CACNA1A: variants seen among roughly 807,000 people sequenced by gnomAD.
CACNA1A encodes the protein calcium voltage-gated channel subunit alpha1 A, also known as voltage-dependent P/Q-type calcium channel subunit alpha-1A.
CACNA1A carries 57 observed loss-of-function variants against 262.4 expected under a neutral mutation model. The observed-to-expected ratio is 0.22, with a 90% CI of 0.18 to 0.27. The LOEUF (loss-of-function observed/expected upper bound fraction) is 0.27. CACNA1A is among the 10% of genes least tolerant of loss of function. The probability of loss-of-function intolerance (pLI) is 1.00; values close to 1 mark genes in which losing one functional copy is unlikely to be tolerated. For synonymous variants in CACNA1A, 1,431 were observed against 1,419.3 expected, an observed-to-expected ratio of 1.01 and a Z score of -0.18; for missense variants, 2,526 against 3,562.8, an observed-to-expected ratio of 0.71 and a Z score of 7.41.
chr19:13,352,438 T>C (rs924051740), intron 6 of CACNA1A, among the ~76,000 whole-genome samples: 3 of 150,166 alleles, frequency 2.0e-5, no homozygotes, highest in Admixed American at 6.7e-5. Context: ...GTGATCATCA[T>C]AGAGAAATTT....
chr19:13,268,139 T>A (rs1600210532), intron 24 of CACNA1A, among the ~76,000 whole-genome samples: 1 of 152,092 alleles, frequency 6.6e-6, no homozygotes, highest in South Asian at 2.1e-4. Flanking sequence ...ACAAAAGCTA[T>A]GGCCTTGGCT....
intron 3 of CACNA1A, among the ~76,000 whole-genome samples, chr19:13,376,635 T>C (rs528220712): frequency 2.0e-5 from 3 of 147,978 alleles, no homozygotes; most frequent in African/African-American, 7.4e-5. Flanking sequence ...ACTACACATA[T>C]GTTATATATG....
At chr19:13,367,676 T>C (rs57977377) in intron 4 of CACNA1A, among the ~76,000 whole-genome samples, 7,471 of 151,970 alleles carry the variant, frequency 0.049, 477 homozygotes, top group African/African-American at 0.14. Flanking sequence ...TGCAGTGAGC[T>C]GAGATCACGC....
At chr19:13,353,617 C>G (rs2058954274) in intron 6 of CACNA1A, among the ~76,000 whole-genome samples, 1 of 152,194 alleles carries the variant, frequency 6.6e-6, no homozygotes, top group Admixed American at 6.5e-5. Flanking sequence ...CTCTGGGATG[C>G]ATATCCTGAT....
chr19:13,444,683 C>G (rs1283550482), intron 3 of CACNA1A, among the ~76,000 whole-genome samples: 3 of 152,230 alleles, frequency 2.0e-5, no homozygotes, highest in African/African-American at 7.2e-5. Flanking sequence ...AACATTTATA[C>G]CACTTCCATT....
At chr19:13,210,181 G>T (rs143540759) in intron 44 of CACNA1A, among the ~76,000 whole-genome samples, 3 of 152,314 alleles carry the variant, frequency 2.0e-5, no homozygotes, top group Non-Finnish European at 2.9e-5. Flanking sequence ...CTCTGCAGCA[G>T]GCAGAGGAGG....
At chr19:13,347,061 T>TTGTTTG (rs200068530) in intron 6 of CACNA1A, among the ~76,000 whole-genome samples, 1 of 69,216 alleles carries the variant, frequency 1.4e-5, no homozygotes, top group African/African-American at 4.5e-5. Context: ...TTTTTTTTGT[T>TTGTTTG]TTTTTGTTTT....
intron 3 of CACNA1A, among the ~76,000 whole-genome samples, chr19:13,429,043 G>A (rs1485500644): frequency 6.6e-6 from 1 of 151,644 alleles, no homozygotes; most frequent in Non-Finnish European, 1.5e-5. Flanking sequence ...CTTGACCCTC[G>A]GGCACACATC....
At chr19:13,478,678 A>G (rs1464416572) in intron 1 of CACNA1A, among the ~76,000 whole-genome samples, 1 of 152,226 alleles carries the variant, frequency 6.6e-6, no homozygotes, top group Non-Finnish European at 1.5e-5. Flanking sequence ...ATTTCACAGC[A>G]GCTTTGTTCA....
In CACNA1A at chr19:13,303,799, A is replaced by G. The variant is rs775081414; in HGVS notation, c.2072T>C (p.Ile691Thr). The stretch of plus-strand genomic sequence containing the variant: ...AAAGAGCGTCAGTACAATGAAATAG[A>G]TGGAGAACACCATGCCGCCCTGCAC... ...GGVQGGMVFSIYFIVLTLFGN... is the reference protein window; with the variant it reads ...GGVQGGMVFSTYFIVLTLFGN... The change falls in exon 16 of 47, where the codon ATC (isoleucine) becomes ACC (threonine). Residue 691 changes from isoleucine (I) to threonine (T), a missense_variant. Physicochemically the swap from Ile to Thr is moderately conservative, Grantham distance 89 (BLOSUM62 -1). This residue lies in a region of CACNA1A where 102 missense variants were observed against 278.9 expected (regional missense o/e 0.37). Coordinates refer to ENST00000360228, the MANE Select transcript of CACNA1A (RefSeq NM_001127222.2). 9 of 1,613,032 alleles carry G rather than the reference A, an allele frequency of 5.6e-6. No individual in the cohort carries two copies. The highest frequency in any genetic ancestry group is 4.0e-5 in the African/African-American group (3 of 74,830).
At chr19:13,245,482 C>T in intron 30 of CACNA1A, 1 of 560,650 alleles carries the variant, frequency 1.8e-6, no homozygotes, top group South Asian at 2.0e-5. Context: ...ATTGGCCTGG[C>T]CCCAGAGGGG....
At chr19:13,336,594 G>GGAGGGAGAGGGAGAGA in intron 6 of CACNA1A, among the ~76,000 whole-genome samples, 1 of 65,494 alleles carries the variant, frequency 1.5e-5, no homozygotes, top group Non-Finnish European at 3.1e-5. Flanking sequence ...AGAGAGAGAG[G>GGAGGGAGAGGGAGAGA]GAGAGAGAGA....
intron 38 of CACNA1A, among the ~76,000 whole-genome samples, chr19:13,215,971 A>G (rs750213998): frequency 1.3e-5 from 2 of 152,084 alleles, no homozygotes; most frequent in Non-Finnish European, 2.9e-5. Flanking sequence ...CCCAGGCTAG[A>G]GTGCCGTGGC....
chr19:13,489,003 C>CT (rs896790084), intron 1 of CACNA1A, among the ~76,000 whole-genome samples: 1,633 of 75,202 alleles, frequency 0.022, 172 homozygotes, highest in Non-Finnish European at 0.025. Flanking sequence ...CTTTTCTTTT[C>CT]TTTTTTTTTT....
intron 3 of CACNA1A, among the ~76,000 whole-genome samples, chr19:13,385,538 T>C (rs2059596776): frequency 6.6e-6 from 1 of 152,098 alleles, no homozygotes; most frequent in African/African-American, 2.4e-5. Context: ...TTCTTTTCTT[T>C]TTTAGAGACA....
chr19:13,482,848 T>TTGTGTGTGTGTGTGTGTGTGTG (rs34754803), intron 1 of CACNA1A, among the ~76,000 whole-genome samples: 1 of 133,924 alleles, frequency 7.5e-6, no homozygotes, highest in Non-Finnish European at 1.6e-5. Flanking sequence ...TTCTCTCAAC[T>TTGTGTGTGTGTGTGTGTGTGTG]TGTGTGTGTG....
At chr19:13,505,249 C>T (rs373602120) in intron 1 of CACNA1A, among the ~76,000 whole-genome samples, 5 of 152,298 alleles carry the variant, frequency 3.3e-5, no homozygotes, top group African/African-American at 1.2e-4. Flanking sequence ...GGGACCTGCA[C>T]ACATGAGGGA....
At chr19:13,215,384 A>G (rs948546367) in intron 38 of CACNA1A, 1 of 134,694 alleles carries the variant, frequency 7.4e-6, no homozygotes, top group Non-Finnish European at 1.5e-5. Flanking sequence ...CAATGGTGCA[A>G]TCTCAGCTCA....
intron 45 of CACNA1A, 52 bp downstream of exon 45, chr19:13,209,260 C>CCCTCT (rs1032523835): frequency 3.0e-5 from 43 of 1,433,316 alleles, no homozygotes; most frequent in Middle Eastern, 2.0e-4. Flanking sequence ...CCTTCTCCTC[C>CCCTCT]CCTCTCCTCT....
Sources: gnomAD v4.1 joint callset for allele counts (sites outside exome capture counted in the v4.1 genomes callset) on GRCh38, gnomAD v4.1.1 for gene constraint, gnomAD v4.1.1 regional missense constraint, MANE v1.5 for transcripts, NCBI Gene and HGNC (gene_info 2026-07-23, HGNC 2026-07-21) for gene names.